The following RNF180 variants were observed in gnomAD, a reference collection of about 807,000 sequenced individuals.
RNF180 encodes the protein ring finger protein 180.
RNF180 carries 38 observed loss-of-function variants against 59.2 expected under a neutral mutation model. The observed-to-expected ratio is 0.64, with a 90% CI of 0.50 to 0.84. The LOEUF is 0.84. Among genes scored for constraint, RNF180 ranks in the 40% least tolerant of loss-of-function variants. The pLI is 0.00. For synonymous variants in RNF180, 262 were observed against 240.3 expected (o/e 1.09, Z -0.84); for missense variants, 705 against 700.9 (o/e 1.01, Z -0.07).
At chr5:64,250,920 G>T (rs1743530149) in intron 5 of RNF180, among the ~76,000 whole-genome samples, 1 of 152,056 alleles carries the variant, frequency 6.6e-6, no homozygotes, top group Admixed American at 6.6e-5. Context: ...GAAAACTACA[G>T]TCCAATAAAG....
chr5:64,237,859 G>A (rs753522296), intron 5 of RNF180, among the ~76,000 whole-genome samples: 7 of 151,580 alleles, frequency 4.6e-5, no homozygotes, highest in East Asian at 1.9e-4. Flanking sequence ...CACCAACCCC[G>A]CTTTCACTCT....
intron 6 of RNF180, among the ~76,000 whole-genome samples, chr5:64,328,475 C>T (rs550896628): frequency 6.6e-6 from 1 of 152,252 alleles, no homozygotes; most frequent in South Asian, 2.1e-4. Context: ...GAGAGAATAT[C>T]TAACTTGAAA....
chr5:64,218,014 G>T (rs1251435264), intron 5 of RNF180, among the ~76,000 whole-genome samples: 1 of 151,912 alleles, frequency 6.6e-6, no homozygotes, highest in African/African-American at 2.4e-5. Flanking sequence ...TATATATTTG[G>T]GATACAAGTG....
At chr5:64,186,801 TATG>T (rs1750895007) in intron 1 of RNF180, among the ~76,000 whole-genome samples, 1 of 152,194 alleles carries the variant, frequency 6.6e-6, no homozygotes. Context: ...ATACTCATCA[TATG>T]ATGATTTCTG....
At position 64,192,940 on chromosome 5, in the gene RNF180, A is replaced by ATATATATAT. The variant is rs1561179048; in HGVS notation, c.1-7868_1-7867insTATATATAT. 1.6e-3 allele frequency among the ~76,000 whole-genome samples: 110 copies of ATATATATAT among 69,948 alleles called. 3 individuals are homozygous for ATATATATAT. Among genetic ancestry groups the ATATATATAT allele is most frequent in the African/African-American group, 5.7e-3 (104 of 18,202 alleles). The allele number at this position is 69,948 out of a possible 152,430, so 45.9% of individuals were successfully genotyped here. A position where few individuals can be genotyped will look rare whatever the true frequency, so the allele number is the denominator to read the frequency against. On this transcript the variant is annotated intron_variant, in intron 1 of 7. Coordinates refer to ENST00000389100, the MANE Select transcript of RNF180 (RefSeq NM_001113561.2). ...ATATATATATATATATATATATATA[A>ATATATATAT]AATGAAACATTCAGCATCGAAAAAG...
chr5:64,165,369 A>G (rs868384406), upstream of RNF180, among the ~76,000 whole-genome samples: 1 of 152,168 alleles, frequency 6.6e-6, no homozygotes, highest in Non-Finnish European at 1.5e-5. Context: ...GTGGAACTTT[A>G]GGCACAAGAA....
intron 5 of RNF180, among the ~76,000 whole-genome samples, chr5:64,238,388 A>AT (rs1445271252): frequency 6.6e-6 from 1 of 152,088 alleles, no homozygotes; most frequent in Non-Finnish European, 1.5e-5. Flanking sequence ...TGGCAGTTCT[A>AT]TTTTTATTAT....
At position 64,192,903 on chromosome 5, in the gene RNF180, GTATATATATATATATATA is replaced by G. The variant is rs70983610; in HGVS notation, c.1-7886_1-7869del. 1.8e-3 allele frequency among the ~76,000 whole-genome samples: 167 copies of G among 93,892 alleles called. 2 individuals are homozygous for G. Among genetic ancestry groups the G allele is most frequent in the African/African-American group, 4.7e-3 (113 of 24,136 alleles). The allele number at this position is 93,892 out of a possible 152,430, so 61.6% of individuals were successfully genotyped here. On this transcript the variant is annotated intron_variant, in intron 1 of 7. Coordinates refer to ENST00000389100, the MANE Select transcript of RNF180 (RefSeq NM_001113561.2). Reference sequence around the variant, plus strand: ...TGAATGCATGCAGAAAGTGTGGCATGTATATATATATATATATATATATATATATATATATAAAATGAA... The same window carrying G: ...TGAATGCATGCAGAAAGTGTGGCATGTATATATATATATATATAAAATGAA...
Position 64,200,910 on chromosome 5 carries a change from T to G in RNF180, c.103T>G (p.Phe35Val). The G allele has an allele frequency of 1.2e-6, 2 of 1,613,836 alleles. No homozygotes were observed. Among genetic ancestry groups the G allele is most frequent in the Non-Finnish European group, 1.7e-6 (2 of 1,179,794 alleles). Reference sequence around the variant, plus strand: ...AAAATGTATAGCAAGCTCTGGTTGTTTTATGGAGTATCTTGAGAATCAAGT... The same window carrying G: ...AAAATGTATAGCAAGCTCTGGTTGTGTTATGGAGTATCTTGAGAATCAAGT... The part of the protein sequence containing the change: ...CRKCIASSGC[F>V]MEYLENQVIK... Residue 35 changes from phenylalanine (F) to valine (V), a missense_variant, in exon 2 of 8, where the codon TTT becomes GTT. Transcript: ENST00000389100.
At chr5:64,291,757 C>T (rs1437105008) in intron 5 of RNF180, among the ~76,000 whole-genome samples, 1 of 152,040 alleles carries the variant, frequency 6.6e-6, no homozygotes, top group Non-Finnish European at 1.5e-5. Flanking sequence ...TGGTTCCATT[C>T]TCCTTGTCTC....
At chr5:64,265,902 G>C (rs2112334024) in intron 5 of RNF180, among the ~76,000 whole-genome samples, 1 of 152,240 alleles carries the variant, frequency 6.6e-6, no homozygotes, top group East Asian at 1.9e-4. Context: ...TCCTTGAGCA[G>C]TGGTTTGCAG....
chr5:64,237,823 GTC>G (rs1017636314), intron 5 of RNF180, among the ~76,000 whole-genome samples: 1 of 150,952 alleles, frequency 6.6e-6, no homozygotes, highest in Non-Finnish European at 1.5e-5. Flanking sequence ...CTCTCTCTCT[GTC>G]TCTCTCTCTC....
At chr5:64,176,615 T>C (rs2111910535) in intron 1 of RNF180, among the ~76,000 whole-genome samples, 1 of 152,222 alleles carries the variant, frequency 6.6e-6, no homozygotes, top group East Asian at 1.9e-4. Flanking sequence ...ACTCCTGAGT[T>C]TTTTAATCTT....
At chr5:64,352,500 T>G (rs994445579) in intron 7 of RNF180, among the ~76,000 whole-genome samples, 1 of 152,076 alleles carries the variant, frequency 6.6e-6, no homozygotes, top group Non-Finnish European at 1.5e-5. Context: ...TGTTAGGGTG[T>G]CAATTTTAGA....
At chr5:64,361,646 A>C (rs1204202035) in intron 7 of RNF180, among the ~76,000 whole-genome samples, 1 of 151,554 alleles carries the variant, frequency 6.6e-6, no homozygotes, top group Non-Finnish European at 1.5e-5. Context: ...AGCATAGTTA[A>C]AATGAACTAA....
At chr5:64,206,585 A>G (rs1752027372) in intron 2 of RNF180, among the ~76,000 whole-genome samples, 1 of 152,188 alleles carries the variant, frequency 6.6e-6, no homozygotes, top group East Asian at 1.9e-4. Context: ...TCTTAGTGAT[A>G]CCGTATATTT....
At position 64,297,720 on chromosome 5, in the gene RNF180, AC is replaced by A; in HGVS notation, c.1228-27464del. On this transcript the variant is annotated intron_variant, in intron 5 of 7. Coordinates refer to ENST00000389100, the MANE Select transcript of RNF180 (RefSeq NM_001113561.2). ...TTTTTAACTGCAGCAGAAGAAATAG[AC>A]CTGACTTCGAAGTTGAGTTCACTGT... Among the ~76,000 whole-genome samples, 2 of 152,222 alleles carry A rather than the reference AC, an allele frequency of 1.3e-5. 1 individual carries two copies. Among genetic ancestry groups the A allele is most frequent in the Middle Eastern group, 6.8e-3 (2 of 294 alleles).
chr5:64,361,180 A>G (rs573254142), intron 7 of RNF180, among the ~76,000 whole-genome samples: 1 of 151,634 alleles, frequency 6.6e-6, no homozygotes, highest in East Asian at 2.0e-4. Flanking sequence ...AAGTGTCATA[A>G]AACAGAATAC....
In RNF180 at chr5:64,271,671, T is replaced by C. The variant is rs190014128; in HGVS notation, c.1228-53515T>C. Among the ~76,000 whole-genome samples the C allele has an allele frequency of 6.9e-4, 105 of 152,176 alleles. 1 individual carries two copies. The East Asian group carries it at 0.015, about 22-fold the overall frequency. ...AGTGGATACAATGGAGTGAATAAAATGTGACTTATCTTAGTAACATGTTGC... is the reference window on the plus strand; with the variant it reads ...AGTGGATACAATGGAGTGAATAAAACGTGACTTATCTTAGTAACATGTTGC... On this transcript the variant is annotated intron_variant, in intron 5 of 7. Coordinates refer to ENST00000389100, the MANE Select transcript of RNF180 (RefSeq NM_001113561.2).
Sources: gnomAD v4.1 joint callset for allele counts (sites outside exome capture counted in the v4.1 genomes callset) on GRCh38, gnomAD v4.1.1 for gene constraint, MANE v1.5 for transcripts, NCBI Gene and HGNC (gene_info 2026-07-23, HGNC 2026-07-21) for gene names.